MEGF9: variants seen among roughly 807,000 people sequenced by gnomAD.
MEGF9 encodes the protein multiple EGF like domains 9, also known as multiple epidermal growth factor-like domains protein 9.
In MEGF9, 6 loss-of-function variants were observed where a neutral mutation model predicts 46.8. The observed-to-expected ratio is 0.13, with a 90% CI of 0.07 to 0.25. The LOEUF (loss-of-function observed/expected upper bound fraction) is 0.25. MEGF9 is among the 10% of genes least tolerant of loss of function. The pLI is 1.00. For synonymous variants in MEGF9, 302 were observed against 330.7 expected (o/e 0.91, Z 0.94); for missense variants, 683 against 792.4 (o/e 0.86, Z 1.66).
chr9:120,631,258 T>A (rs2043549383), intron 2 of MEGF9, among the ~76,000 whole-genome samples: 1 of 152,256 alleles, frequency 6.6e-6, no homozygotes, highest in Admixed American at 6.5e-5. Context: ...ATGAATGTTT[T>A]TGGCACCTCT....
At chr9:120,682,825 C>T (rs569555977) in intron 1 of MEGF9, among the ~76,000 whole-genome samples, 2 of 152,266 alleles carry the variant, frequency 1.3e-5, no homozygotes, top group Non-Finnish European at 1.5e-5. Context: ...CCAAGTGATG[C>T]TCCCACCTCA....
At position 120,601,586 on chromosome 9, in the gene MEGF9, T is replaced by TA. The variant is rs2043396282; in HGVS notation, c.*3603dup. The TA allele has an allele frequency of 1.3e-5, 2 of 152,158 alleles. No homozygotes were observed. Among genetic ancestry groups the TA allele is most frequent in the Non-Finnish European group, 2.9e-5 (2 of 68,030 alleles). The allele number at this position is 152,158 out of a possible 1,614,324, so 9.4% of individuals were successfully genotyped here. On this transcript the variant is annotated 3_prime_UTR_variant, in exon 6 of 6. Coordinates refer to ENST00000373930, the MANE Select transcript of MEGF9 (RefSeq NM_001080497.3). ...ATTTGAGGTGTCTACAAATGTTGTC[T>TA]AAAAAACCTCTCTCCTCTCATCCCA...
At chr9:120,664,212 G>A (rs1034801640) in intron 1 of MEGF9, among the ~76,000 whole-genome samples, 45 of 152,100 alleles carry the variant, frequency 3.0e-4, no homozygotes, top group Non-Finnish European at 1.3e-4. Context: ...ATACCTGGTA[G>A]GCTCTCTCTT....
chr9:120,660,344 C>A (rs2043696670), intron 1 of MEGF9, among the ~76,000 whole-genome samples: 1 of 152,104 alleles, frequency 6.6e-6, no homozygotes, highest in Non-Finnish European at 1.5e-5. Flanking sequence ...GTGTAATAAT[C>A]ATATCAGGAT....
intron 4 of MEGF9, among the ~76,000 whole-genome samples, chr9:120,609,058 C>A (rs2043432989): frequency 6.6e-6 from 1 of 151,988 alleles, no homozygotes; most frequent in Non-Finnish European, 1.5e-5. Context: ...CTAGAGAAAT[C>A]TCTTCAATGG....
intron 4 of MEGF9, 132 bp downstream of exon 4, chr9:120,612,264 G>A: frequency 4.1e-6 from 3 of 739,956 alleles, no homozygotes; most frequent in Non-Finnish European, 6.1e-6. Flanking sequence ...TTCCTGGAAA[G>A]GAAAACTTTT....
chr9:120,712,123 T>C (rs763632575), intron 1 of MEGF9, among the ~76,000 whole-genome samples: 1 of 152,098 alleles, frequency 6.6e-6, no homozygotes, highest in African/African-American at 2.4e-5. Flanking sequence ...CTGGGTGTGG[T>C]GACCCACGCC....
chr9:120,625,520 G>A (rs2043520012), intron 2 of MEGF9, among the ~76,000 whole-genome samples: 1 of 147,884 alleles, frequency 6.8e-6, no homozygotes, highest in Non-Finnish European at 1.5e-5. Flanking sequence ...GGCGACACAG[G>A]GAGACTCTGT....
At chr9:120,643,067 T>C (rs149182205) in intron 2 of MEGF9, among the ~76,000 whole-genome samples, 1,626 of 152,322 alleles carry the variant, frequency 0.011, 32 homozygotes, top group African/African-American at 0.034. Context: ...GAAGCATTTG[T>C]GTCCCTTTTT....
intron 1 of MEGF9, among the ~76,000 whole-genome samples, chr9:120,677,266 C>CTG (rs1436217035): frequency 6.6e-6 from 1 of 151,860 alleles, no homozygotes; most frequent in Non-Finnish European, 1.5e-5. Flanking sequence ...GTAGTTGGGA[C>CTG]TACAGGCGTG....
At chr9:120,619,274 G>C (rs1002430587) in intron 3 of MEGF9, among the ~76,000 whole-genome samples, 3 of 152,172 alleles carry the variant, frequency 2.0e-5, no homozygotes, top group Non-Finnish European at 4.4e-5. Context: ...TTGAACCCAG[G>C]AGGTGGAGGT....
At chr9:120,685,058 T>C (rs2043816202) in intron 1 of MEGF9, among the ~76,000 whole-genome samples, 1 of 152,122 alleles carries the variant, frequency 6.6e-6, no homozygotes. Flanking sequence ...ATGGTCTCGA[T>C]CTCCTGACCT....
At chr9:120,677,126 AGTGTGT>A (rs3047102) in intron 1 of MEGF9, among the ~76,000 whole-genome samples, 2 of 150,716 alleles carry the variant, frequency 1.3e-5, no homozygotes, top group African/African-American at 2.4e-5. Context: ...CGTGTGTGTG[AGTGTGT>A]GTGTGTGTGT....
At chr9:120,644,265 T>C (rs1368670659) in intron 2 of MEGF9, among the ~76,000 whole-genome samples, 1 of 152,320 alleles carries the variant, frequency 6.6e-6, no homozygotes, top group East Asian at 1.9e-4. Context: ...TTGACAAGTA[T>C]TTTGTGAAAT....
intron 2 of MEGF9, among the ~76,000 whole-genome samples, chr9:120,625,043 G>A (rs187334577): frequency 6.6e-6 from 1 of 152,304 alleles, no homozygotes; most frequent in East Asian, 1.9e-4. Flanking sequence ...GGAGGCTGAG[G>A]CAGGAAGATC....
At chr9:120,707,830 G>A (rs778373462) in intron 1 of MEGF9, among the ~76,000 whole-genome samples, 3 of 152,030 alleles carry the variant, frequency 2.0e-5, no homozygotes, top group African/African-American at 4.8e-5. Flanking sequence ...ATCATTTGAG[G>A]TCAGGAGTTC....
intron 1 of MEGF9, among the ~76,000 whole-genome samples, chr9:120,684,592 A>T (rs1184832420): frequency 6.6e-6 from 1 of 152,184 alleles, no homozygotes; most frequent in Non-Finnish European, 1.5e-5. Flanking sequence ...GCAAGCTGTG[A>T]AATTCTTTGC....
intron 3 of MEGF9, among the ~76,000 whole-genome samples, chr9:120,617,739 A>C (rs1253764970): frequency 1.3e-5 from 2 of 152,258 alleles, no homozygotes; most frequent in East Asian, 3.8e-4. Context: ...CTGAAAGGCC[A>C]GATGAGACTG....
chr9:120,625,644 G>A (rs775977006), intron 2 of MEGF9, among the ~76,000 whole-genome samples: 30 of 151,912 alleles, frequency 2.0e-4, no homozygotes, highest in Non-Finnish European at 3.8e-4. Flanking sequence ...GACCAGCCTG[G>A]CCAACATAGT....
Sources: gnomAD v4.1 joint callset for allele counts (sites outside exome capture counted in the v4.1 genomes callset) on GRCh38, gnomAD v4.1.1 for gene constraint, MANE v1.5 for transcripts, NCBI Gene and HGNC (gene_info 2026-07-23, HGNC 2026-07-21) for gene names.